SLC24A3: variants seen among roughly 807,000 people sequenced by gnomAD.
The protein encoded by SLC24A3 is solute carrier family 24 member 3.
SLC24A3 carries 28 observed loss-of-function variants against 75.8 expected under a neutral mutation model. The observed-to-expected ratio is 0.37, with a 90% CI of 0.27 to 0.51. The LOEUF is 0.51. Among genes scored for constraint, SLC24A3 ranks in the 20% least tolerant of loss-of-function variants. The pLI, the probability that SLC24A3 is intolerant of heterozygous loss-of-function variation, is 0.94. For synonymous variants in SLC24A3, 372 were observed against 334.1 expected, an observed-to-expected ratio of 1.11 and a Z score of -1.24; for missense variants, 663 against 847.8, an observed-to-expected ratio of 0.78 and a Z score of 2.71.
At chr20:19,254,699 C>T (rs12481485) in intron 1 of SLC24A3, among the ~76,000 whole-genome samples, 2,880 of 152,250 alleles carry the variant, frequency 0.019, 31 homozygotes, top group Admixed American at 0.032. Context: ...AGCTAGAAGG[C>T]GAGATTCCAG....
intron 3 of SLC24A3, among the ~76,000 whole-genome samples, chr20:19,523,533 G>A (rs907713248): frequency 1.3e-5 from 2 of 152,220 alleles, no homozygotes; most frequent in Admixed American, 6.5e-5. Flanking sequence ...TAATTCAGAA[G>A]GTCCAGGTCT....
intron 9 of SLC24A3, among the ~76,000 whole-genome samples, chr20:19,674,975 G>T (rs6075555): frequency 6.6e-6 from 1 of 152,000 alleles, no homozygotes; most frequent in African/African-American, 2.4e-5. Flanking sequence ...GCTGGAACCC[G>T]GGAGGCAGAG....
intron 2 of SLC24A3, among the ~76,000 whole-genome samples, chr20:19,512,306 G>A (rs2029898773): frequency 6.6e-6 from 1 of 152,210 alleles, no homozygotes; most frequent in South Asian, 2.1e-4. Flanking sequence ...AGCTCCTGTG[G>A]TTTCTCTTTG....
At chr20:19,246,472 G>A (rs1349484350) in intron 1 of SLC24A3, among the ~76,000 whole-genome samples, 1 of 152,090 alleles carries the variant, frequency 6.6e-6, no homozygotes, top group African/African-American at 2.4e-5. Flanking sequence ...TATAGGTACA[G>A]CTATAGCAGA....
intron 3 of SLC24A3, among the ~76,000 whole-genome samples, chr20:19,534,409 T>TTG (rs76380185): frequency 1.5e-3 from 16 of 10,764 alleles, no homozygotes; most frequent in African/African-American, 1.3e-3. Context: ...TGTTGTTGTT[T>TTG]TTTTGTTTTG....
intron 6 of SLC24A3, among the ~76,000 whole-genome samples, chr20:19,641,048 A>AT (rs1312582379): frequency 6.6e-6 from 1 of 152,208 alleles, no homozygotes; most frequent in Non-Finnish European, 1.5e-5. Flanking sequence ...CAGTAATTAG[A>AT]TTTTACCAGT....
chr20:19,489,658 G>C (rs982406661), intron 2 of SLC24A3, among the ~76,000 whole-genome samples: 1 of 152,172 alleles, frequency 6.6e-6, no homozygotes, highest in African/African-American at 2.4e-5. Flanking sequence ...TGGGGGCACA[G>C]AGGGGCTGAT....
In SLC24A3 at chr20:19,340,672, G is replaced by T. The variant is rs904213092; in HGVS notation, c.271+59585G>T. Among the ~76,000 whole-genome samples the T allele has an allele frequency of 2.0e-5, 3 of 152,324 alleles. No individual in the cohort carries two copies. The East Asian group carries it at 5.8e-4, about 29-fold the overall frequency. On this transcript the variant is annotated intron_variant, in intron 2 of 16. Coordinates refer to ENST00000328041, the MANE Select transcript of SLC24A3 (RefSeq NM_020689.4). Reference sequence around the variant, plus strand: ...CAGGCATTCCCAGGTCCTCCAACATGAGGTTGGGAACCGCTTGGCAACTTA... The same window carrying T: ...CAGGCATTCCCAGGTCCTCCAACATTAGGTTGGGAACCGCTTGGCAACTTA...
At chr20:19,578,889 T>C (rs1467211147) in intron 3 of SLC24A3, among the ~76,000 whole-genome samples, 1 of 152,046 alleles carries the variant, frequency 6.6e-6, no homozygotes, top group Non-Finnish European at 1.5e-5. Context: ...TGATTCAGGG[T>C]CAACTTCCTC....
chr20:19,494,990 T>A (rs1363530457), intron 2 of SLC24A3, among the ~76,000 whole-genome samples: 1 of 151,322 alleles, frequency 6.6e-6, no homozygotes, highest in African/African-American at 2.4e-5. Context: ...AACAAAGGAG[T>A]GGTGTTGGCT....
chr20:19,657,566 T>C (rs2032280060), intron 7 of SLC24A3, among the ~76,000 whole-genome samples: 1 of 152,248 alleles, frequency 6.6e-6, no homozygotes, highest in African/African-American at 2.4e-5. Context: ...TAAGTAACTT[T>C]AGTTGCCTGG....
intron 2 of SLC24A3, among the ~76,000 whole-genome samples, chr20:19,320,698 A>T (rs1273540542): frequency 6.6e-6 from 1 of 152,096 alleles, no homozygotes; most frequent in African/African-American, 2.4e-5. Context: ...TGGGTGCCCA[A>T]ATCCCTGATA....
At chr20:19,577,128 C>T (rs1277085081) in intron 3 of SLC24A3, among the ~76,000 whole-genome samples, 1 of 151,834 alleles carries the variant, frequency 6.6e-6, no homozygotes, top group Non-Finnish European at 1.5e-5. Context: ...GATCTCGGCT[C>T]ATGGCAAGCT....
intron 2 of SLC24A3, among the ~76,000 whole-genome samples, chr20:19,383,734 GGTGCT>G (rs1430036828): frequency 1.4e-4 from 21 of 152,306 alleles, no homozygotes; most frequent in African/African-American, 5.1e-4. Context: ...CTGAGATCAA[GGTGCT>G]GGAGATTCAG....
intron 2 of SLC24A3, among the ~76,000 whole-genome samples, chr20:19,500,775 A>T (rs4813359): frequency 6.6e-6 from 1 of 151,954 alleles, no homozygotes; most frequent in African/African-American, 2.4e-5. Context: ...GAGGTGCAAC[A>T]CAGCTTCTTC....
At chr20:19,233,128 C>A (rs1982068520) in intron 1 of SLC24A3, among the ~76,000 whole-genome samples, 1 of 152,208 alleles carries the variant, frequency 6.6e-6, no homozygotes, top group Admixed American at 6.5e-5. Context: ...CCTCTGATAA[C>A]AAAGCAAGAA....
chr20:19,631,802 G>GTGTGTGTGTGTGTGTGTA (rs1244073825), intron 6 of SLC24A3, among the ~76,000 whole-genome samples: 2 of 151,340 alleles, frequency 1.3e-5, no homozygotes, highest in African/African-American at 4.9e-5. Flanking sequence ...GTGTGTGTGT[G>GTGTGTGTGTGTGTGTGTA]TGTGTGTGTG....
At chr20:19,618,096 A>G (rs1392799443) in intron 6 of SLC24A3, among the ~76,000 whole-genome samples, 4 of 151,904 alleles carry the variant, frequency 2.6e-5, no homozygotes, top group Non-Finnish European at 5.9e-5. Context: ...AGCCTGTCCT[A>G]AAACATGTTT....
intron 7 of SLC24A3, among the ~76,000 whole-genome samples, chr20:19,656,519 A>T (rs1456423499): frequency 3.3e-5 from 5 of 151,994 alleles, no homozygotes; most frequent in African/African-American, 7.3e-5. Context: ...CTTCTCTAAT[A>T]CCCCTTCCAG....
Sources: allele counts gnomAD v4.1 joint callset (sites outside exome capture counted in the v4.1 genomes callset), GRCh38; gene constraint gnomAD v4.1.1; transcripts MANE v1.5; gene names NCBI Gene and HGNC (gene_info 2026-07-23, HGNC 2026-07-21).